The following UNC13C variants were observed in gnomAD, a reference collection of about 807,000 sequenced individuals.
UNC13C encodes protein unc-13 homolog C.
UNC13C carries 174 observed loss-of-function variants against 245.4 expected under a neutral mutation model. The observed-to-expected ratio is 0.71, with a 90% CI of 0.63 to 0.80. The LOEUF (loss-of-function observed/expected upper bound fraction) is 0.80. Among genes scored for constraint, UNC13C ranks in the 30% least tolerant of loss-of-function variants. The pLI is 0.00. For synonymous variants in UNC13C, 992 were observed against 895.1 expected (o/e 1.11, Z -1.93); for missense variants, 2,829 against 2,602.9 (o/e 1.09, Z -1.89).
At chr15:53,920,490 C>T in the UNC13C span, among the ~76,000 whole-genome samples, 2 of 152,124 alleles carry the variant, frequency 1.3e-5, no homozygotes, top group Non-Finnish European at 2.9e-5. Flanking sequence ...GAGGCAGAGA[C>T]TGCAGTGAGC....
chr15:54,079,723 G>A (rs922011192), intron 2 of UNC13C, among the ~76,000 whole-genome samples: 9 of 151,942 alleles, frequency 5.9e-5, no homozygotes, highest in African/African-American at 1.7e-4. Flanking sequence ...AATCATTAAG[G>A]CTTTCTAGTT....
chr15:54,215,339 AT>A (rs1215832300), intron 4 of UNC13C, among the ~76,000 whole-genome samples: 2 of 151,872 alleles, frequency 1.3e-5, no homozygotes, highest in Non-Finnish European at 2.9e-5. Flanking sequence ...TCTGAAAAAT[AT>A]TTTTCATTAC....
At chr15:54,192,492 G>A (rs1238184213) in intron 4 of UNC13C, among the ~76,000 whole-genome samples, 3 of 152,028 alleles carry the variant, frequency 2.0e-5, no homozygotes, top group Non-Finnish European at 4.4e-5. Flanking sequence ...ACTGTGATTG[G>A]CAGCTGCCAG....
At chr15:54,584,721 G>A (rs1254593301) in intron 30 of UNC13C, among the ~76,000 whole-genome samples, 1 of 152,216 alleles carries the variant, frequency 6.6e-6, no homozygotes, top group East Asian at 1.9e-4. Flanking sequence ...TGGTACAAAT[G>A]TTCACTGTGC....
chr15:54,439,533 T>C (rs989278140), intron 19 of UNC13C, among the ~76,000 whole-genome samples: 5 of 151,994 alleles, frequency 3.3e-5, no homozygotes, highest in Admixed American at 6.6e-5. Flanking sequence ...AATCCTATTC[T>C]CTAGTCCTAC....
chr15:54,471,225 A>C (rs749679365), intron 19 of UNC13C, among the ~76,000 whole-genome samples: 6 of 151,486 alleles, frequency 4.0e-5, no homozygotes, highest in Non-Finnish European at 7.4e-5. Context: ...TGTCTGTTAT[A>C]GTTCAAGCAA....
At position 54,493,284 on chromosome 15, in the gene UNC13C, T is replaced by C. The variant is rs148534033; in HGVS notation, c.4934-1324T>C. On this transcript the variant is annotated intron_variant, in intron 19 of 32. Transcript: ENST00000260323. ...ACCTAAAGCAAAATATCATCTTGAC[T>C]AAAATCTTGTTTGGGAGTTTGGCCT... Among the ~76,000 whole-genome samples, 11 of 152,300 alleles carry C rather than the reference T, an allele frequency of 7.2e-5. No homozygotes were observed. In the East Asian group the frequency reaches 1.7e-3, roughly 24 times the overall value.
At chr15:53,945,480 G>A in the UNC13C span, among the ~76,000 whole-genome samples, 6 of 152,222 alleles carry the variant, frequency 3.9e-5, no homozygotes, top group African/African-American at 1.4e-4. Flanking sequence ...AGTTATCTCA[G>A]CTCTATTTAT....
rs369927433 is a variant in UNC13C, at chr15:54,057,629, G to A, written c.2983+41743G>A. On this transcript the variant is annotated intron_variant, in intron 2 of 32. Coordinates refer to ENST00000260323, the MANE Select transcript of UNC13C (RefSeq NM_001080534.3). ...AGTGGACCTAATAGACATCTACAGA[G>A]CTCTCCACCCCAAATCAACAGAATA... 1.6e-4 allele frequency among the ~76,000 whole-genome samples: 25 copies of A among 152,012 alleles called. No homozygotes were observed. In the East Asian group the frequency reaches 3.7e-3, roughly 22 times the overall value.
chr15:54,096,091 G>A (rs941146142), intron 2 of UNC13C, among the ~76,000 whole-genome samples: 1 of 152,202 alleles, frequency 6.6e-6, no homozygotes, highest in Non-Finnish European at 1.5e-5. Flanking sequence ...GTATGTGTGA[G>A]CCTTGAATGC....
chr15:54,230,063 A>G (rs1346922738), intron 4 of UNC13C, among the ~76,000 whole-genome samples: 1 of 71,406 alleles, frequency 1.4e-5, no homozygotes, highest in East Asian at 2.8e-4. Context: ...TATATTGTGA[A>G]TAATGTGGCA....
intron 19 of UNC13C, among the ~76,000 whole-genome samples, chr15:54,450,009 C>T (rs977761981): frequency 6.6e-6 from 1 of 152,200 alleles, no homozygotes; most frequent in Admixed American, 6.5e-5. Flanking sequence ...CCCTCAGCTC[C>T]AGGTCTGTTG....
the UNC13C span, among the ~76,000 whole-genome samples, chr15:53,921,757 A>T: frequency 6.6e-6 from 1 of 152,200 alleles, no homozygotes; most frequent in Non-Finnish European, 1.5e-5. Context: ...TGGGTGTGTT[A>T]CGGCCACCTC....
intron 19 of UNC13C, among the ~76,000 whole-genome samples, chr15:54,417,398 C>A (rs1026703836): frequency 2.6e-5 from 4 of 152,110 alleles, no homozygotes; most frequent in Non-Finnish European, 5.9e-5. Context: ...TAGAACAAAA[C>A]TCAGTGCATT....
chr15:54,260,983 T>C (rs936984759), intron 8 of UNC13C, among the ~76,000 whole-genome samples: 14 of 152,120 alleles, frequency 9.2e-5, no homozygotes, highest in African/African-American at 2.9e-4. Flanking sequence ...TTAAATTACG[T>C]AGAAGAGAAC....
Position 54,572,088 on chromosome 15 carries a change from A to G in UNC13C, c.6106+4141A>G, listed in dbSNP as rs80113568. 4.7e-4 allele frequency among the ~76,000 whole-genome samples: 72 copies of G among 152,048 alleles called. 1 individual carries two copies. The East Asian group carries it at 0.013, about 27-fold the overall frequency. Reference sequence around the variant, plus strand: ...CCACTTACCTTTTGATGCTTGTCTCAGGTTTACTTCTGGGAGAACCCAAAC... The same window carrying G: ...CCACTTACCTTTTGATGCTTGTCTCGGGTTTACTTCTGGGAGAACCCAAAC... On this transcript the variant is annotated intron_variant, in intron 30 of 32. Coordinates refer to ENST00000260323, the MANE Select transcript of UNC13C (RefSeq NM_001080534.3).
chr15:54,105,928 C>G (rs1330691082), intron 2 of UNC13C, among the ~76,000 whole-genome samples: 1 of 152,170 alleles, frequency 6.6e-6, no homozygotes, highest in Non-Finnish European at 1.5e-5. Context: ...AAAGGGAATG[C>G]AGGAGGAAGA....
At position 54,013,206 on chromosome 15, in the gene UNC13C, C is replaced by T; in HGVS notation, c.303C>T (p.Gly101=). 1.2e-6 allele frequency: 2 copies of T among 1,613,760 alleles called. No homozygotes were observed. Among genetic ancestry groups the T allele is most frequent in the Non-Finnish European group, 1.7e-6 (2 of 1,179,838 alleles). Residue 101 remains glycine, a synonymous_variant, in exon 2 of 33, where the codon GGC becomes GGT. Transcript: ENST00000260323. Reference sequence around the variant, plus strand: ...GTTACCGAGTAGCTATTGCCAATGGCCTACAAAAGAATGCTAAAGTAACCA... The same window carrying T: ...GTTACCGAGTAGCTATTGCCAATGGTCTACAAAAGAATGCTAAAGTAACCA... ...TFSYRVAIAN[G]LQKNAKVTNS...
At chr15:54,028,718 C>T (rs942830572) in intron 2 of UNC13C, among the ~76,000 whole-genome samples, 8 of 108,950 alleles carry the variant, frequency 7.3e-5, no homozygotes, top group African/African-American at 1.0e-4. Context: ...GACGGAGTCT[C>T]GCTCTGTTGT....
Sources: allele counts gnomAD v4.1 joint callset (sites outside exome capture counted in the v4.1 genomes callset), GRCh38; gene constraint gnomAD v4.1.1; transcripts MANE v1.5; gene names NCBI Gene and HGNC (gene_info 2026-07-23, HGNC 2026-07-21).